POLR1C: variants seen among roughly 807,000 people sequenced by gnomAD.
The protein encoded by POLR1C is RNA polymerase I and III subunit C, also known as DNA-directed RNA polymerases I and III subunit RPAC1.
Under a neutral mutation model 38.3 loss-of-function variants are expected in POLR1C, and 42 were observed. The observed-to-expected ratio is 1.10, with a 90% CI of 0.86 to 1.42. The LOEUF (loss-of-function observed/expected upper bound fraction) is 1.42. POLR1C is among the 40% of genes most tolerant of loss of function. POLR1C has a pLI of 0.00. For missense variants in POLR1C, 507 were observed against 450.5 expected (o/e 1.13, Z -1.14); for synonymous variants, 163 against 163.9 (o/e 0.99, Z 0.04).
At chr6:43,517,577 G>T (rs796977589) in intron 2 of POLR1C, among the ~76,000 whole-genome samples, 200 bp downstream of exon 2, 38 of 152,266 alleles carry the variant, frequency 2.5e-4, no homozygotes, top group African/African-American at 7.7e-4. Context: ...TCTTGTTGAG[G>T]AATGGTGTGT....
At chr6:43,558,849 T>A (rs1415578158) in intron 10 of POLR1C, 11 of 363,080 alleles carry the variant, frequency 3.0e-5, no homozygotes, top group Non-Finnish European at 5.4e-5. Flanking sequence ...AATTCTTGAA[T>A]TCTTTTAAGG....
At chr6:43,539,425 G>A in intron 9 of POLR1C, 2 of 1,565,216 alleles carry the variant, frequency 1.3e-6, no homozygotes, top group Non-Finnish European at 1.7e-6. Context: ...AAAAGTCAAT[G>A]ATCTCTGATT....
Position 43,548,335 on chromosome 6 carries a change from G to A in POLR1C, c.*5-2633G>A, listed in dbSNP as rs752304039. The A allele has an allele frequency of 9.9e-6, 16 of 1,613,452 alleles. No individual in the cohort carries two copies. Among genetic ancestry groups the A allele is most frequent in the East Asian group, 8.9e-5 (4 of 44,884 alleles). On this transcript the variant is annotated intron_variant, in intron 9 of 10. Transcript: ENST00000607635. Reference sequence around the variant, plus strand: ...CCTCTAGGAACACCTTCTGACGCTCGTAGTTCTTAAATTGGTTGCTAATGA... The same window carrying A: ...CCTCTAGGAACACCTTCTGACGCTCATAGTTCTTAAATTGGTTGCTAATGA...
downstream of POLR1C, chr6:43,524,474 A>T: frequency 6.2e-7 from 1 of 1,613,330 alleles, no homozygotes; most frequent in Non-Finnish European, 8.5e-7. Flanking sequence ...GACCTACCCC[A>T]ATGCAACCAG....
chr6:43,525,015 G>A, downstream of POLR1C: 3 of 1,601,614 alleles, frequency 1.9e-6, no homozygotes, highest in East Asian at 4.5e-5. Context: ...CTCTCTCAAG[G>A]CCTCAGCACC....
intron 9 of POLR1C, chr6:43,544,197 T>C: frequency 6.1e-6 from 1 of 164,540 alleles, no homozygotes. Context: ...GCTGTTAGCC[T>C]CCTAAATGAA....
intron 7 of POLR1C, 40 bp from the exon 8 acceptor site, chr6:43,520,892 T>A (rs1793135395): frequency 6.2e-7 from 1 of 1,607,330 alleles, no homozygotes; most frequent in African/African-American, 1.3e-5. Flanking sequence ...AAGTGGCAAA[T>A]TAGAAAAAGG....
At chr6:43,524,141 C>G, downstream of POLR1C, 25 of 1,316,028 alleles carry the variant, frequency 1.9e-5, no homozygotes, top group Non-Finnish European at 2.5e-5. Context: ...CACCTGAGGT[C>G]AGGAGTTCAA....
At chr6:43,529,782 G>A (rs1793845054), downstream of POLR1C, among the ~76,000 whole-genome samples, 1 of 151,730 alleles carries the variant, frequency 6.6e-6, no homozygotes, top group Non-Finnish European at 1.5e-5. Flanking sequence ...CTAGCTGGGT[G>A]TGGTGGTGCG....
chr6:43,539,878 T>C (rs548882058), intron 9 of POLR1C, among the ~76,000 whole-genome samples: 1 of 152,404 alleles, frequency 6.6e-6, no homozygotes, highest in South Asian at 2.1e-4. Context: ...AAGTTATATC[T>C]CTTTAGGTTT....
At chr6:43,529,430 T>C in exon 9 of POLR1C, 2 of 333,672 alleles carry the variant, frequency 6.0e-6, no homozygotes, top group South Asian at 2.3e-5. Flanking sequence ...GGCGAGCGCC[T>C]GTAGTCCCAG....
downstream of POLR1C, chr6:43,525,750 A>T: frequency 7.3e-7 from 1 of 1,375,058 alleles, no homozygotes; most frequent in South Asian, 1.4e-5. Flanking sequence ...ATTACAAAAA[A>T]CTCTTGATAG....
At position 43,517,090 on chromosome 6, in the gene POLR1C, G is replaced by C; in HGVS notation, c.-20G>C. Reference sequence around the variant, plus strand: ...ACGCACGCGCGAGATAGAACCTCTAGTCTCGTGGAGAGATTGAAGATGGCG... The same window carrying C: ...ACGCACGCGCGAGATAGAACCTCTACTCTCGTGGAGAGATTGAAGATGGCG... On this transcript the variant is annotated 5_prime_UTR_variant, in exon 1 of 9. Coordinates refer to ENST00000642195, the MANE Select transcript of POLR1C (RefSeq NM_203290.4). 6.2e-7 allele frequency: 1 copy of C among 1,612,016 alleles called. No individual in the cohort carries two copies. Among genetic ancestry groups the C allele is most frequent in the Non-Finnish European group, 8.5e-7 (1 of 1,177,982 alleles).
chr6:43,546,750 C>T, intron 9 of POLR1C: 1 of 1,556,514 alleles, frequency 6.4e-7, no homozygotes, highest in Non-Finnish European at 8.6e-7. Flanking sequence ...CACAAAAGCT[C>T]ATCTATAGAA....
At chr6:43,560,874 CA>C (rs773977436) in intron 10 of POLR1C, 1 of 1,410,646 alleles carries the variant, frequency 7.1e-7, no homozygotes, top group African/African-American at 1.4e-5. Flanking sequence ...CAGTGCTTGA[CA>C]TTGGTTCACC....
At chr6:43,532,054 C>G (rs572101230), downstream of POLR1C, among the ~76,000 whole-genome samples, 1 of 152,316 alleles carries the variant, frequency 6.6e-6, no homozygotes, top group East Asian at 1.9e-4. Flanking sequence ...CAGAAGCTAT[C>G]TGTGGGAACT....
rs772728540 is a variant in POLR1C at position 43,517,141 on chromosome 6, G to T, written c.32G>T (p.Arg11Leu). The change falls in exon 1 of 9, where the codon CGG (arginine) becomes CTG (leucine). Residue 11 changes from arginine to leucine, a missense_variant. Physicochemically the swap from Arg to Leu is moderately radical, Grantham distance 102. Transcript: ENST00000642195. MAASQAVEEMRSRVVLGEFGV... is the reference protein window; with the variant it reads MAASQAVEEMLSRVVLGEFGV... Reference sequence around the variant, plus strand: ...GCTTCTCAGGCGGTGGAGGAAATGCGGAGCCGCGTGGTTCTGGGGGAGTTT... The same window carrying T: ...GCTTCTCAGGCGGTGGAGGAAATGCTGAGCCGCGTGGTTCTGGGGGAGTTT... The T allele has an allele frequency of 1.2e-6, 2 of 1,614,054 alleles. No homozygotes were observed. The highest frequency in any genetic ancestry group is 1.3e-5 in the African/African-American group (1 of 74,912).
chr6:43,527,811 T>A lies in POLR1C; in HGVS notation c.923-1438T>A, dbSNP rs146285564. The stretch of plus-strand genomic sequence containing the variant: ...GAAAGCAGCGACCCTAATCAGACTC[T>A]CTCTGACCACTTTCTTCTCCTTTGG... On this transcript the variant is annotated intron_variant, in intron 8 of 8. Coordinates refer to the POLR1C transcript ENST00000304004. The A allele has an allele frequency of 1.4e-3, 2,035 of 1,462,642 alleles. 25 individuals are homozygous for A. In the African/African-American group the frequency reaches 0.026, roughly 19 times the overall value. The allele number at this position is 1,462,642 out of a possible 1,614,324, so 90.6% of individuals were successfully genotyped here.
chr6:43,522,272 T>G (rs1793234792), downstream of POLR1C: 1 of 152,526 alleles, frequency 6.6e-6, no homozygotes, highest in African/African-American at 2.4e-5. Flanking sequence ...CGGGTGCTCA[T>G]GAAGTAACCC....
Sources: gnomAD v4.1 joint callset for allele counts (sites outside exome capture counted in the v4.1 genomes callset) on GRCh38, gnomAD v4.1.1 for gene constraint, MANE v1.5 for transcripts, NCBI Gene and HGNC (gene_info 2026-07-23, HGNC 2026-07-21) for gene names.